INVS: variants seen among roughly 807,000 people sequenced by gnomAD.
INVS encodes inversion of embryo turning homolog.
A neutral mutation model predicts 108.8 loss-of-function variants in INVS; 86 were observed. That is an observed-to-expected ratio of 0.79 (90% CI 0.66 to 0.95). The LOEUF (loss-of-function observed/expected upper bound fraction) is 0.95. Among genes scored for constraint, INVS ranks in the 40% least tolerant of loss-of-function variants. The pLI is 0.00. For missense variants in INVS, 1,169 were observed against 1,297.4 expected (o/e 0.90, Z 1.52); for synonymous variants, 455 against 473.5 (o/e 0.96, Z 0.51).
chr9:100,129,754 A>C (rs1459421475), intron 3 of INVS: 1 of 683,202 alleles, frequency 1.5e-6, no homozygotes, highest in East Asian at 2.7e-5. Context: ...AGTGAGTACC[A>C]CATTCATCCT....
chr9:100,243,286 T>C (rs1831937868), intron 7 of INVS, among the ~76,000 whole-genome samples: 1 of 152,108 alleles, frequency 6.6e-6, no homozygotes, highest in African/African-American at 2.4e-5. Context: ...CTTACACAAG[T>C]TTCTTAATCT....
chr9:100,287,646 C>G (rs1299794462), intron 13 of INVS, among the ~76,000 whole-genome samples: 1 of 152,178 alleles, frequency 6.6e-6, no homozygotes. Context: ...CTCGCTCATG[C>G]TCTCTCCTGC....
At chr9:100,240,952 T>C (rs758337620) in intron 6 of INVS, among the ~76,000 whole-genome samples, 14 of 152,140 alleles carry the variant, frequency 9.2e-5, no homozygotes, top group Non-Finnish European at 1.3e-4. Context: ...TAGGAGTGGC[T>C]ACTTTTAAAT....
At chr9:100,124,428 T>C (rs1403673110) in intron 2 of INVS, among the ~76,000 whole-genome samples, 2 of 151,636 alleles carry the variant, frequency 1.3e-5, no homozygotes, top group Non-Finnish European at 2.9e-5. Flanking sequence ...ACTCTAAAAA[T>C]TAAAGAGGAT....
intron 3 of INVS, among the ~76,000 whole-genome samples, chr9:100,135,242 A>G (rs1828187583): frequency 6.6e-6 from 1 of 152,188 alleles, no homozygotes; most frequent in African/African-American, 2.4e-5. Context: ...CGGAACCAAG[A>G]ATGGTTCCTG....
chr9:100,253,556 C>A (rs1832313259), intron 10 of INVS, among the ~76,000 whole-genome samples: 1 of 151,946 alleles, frequency 6.6e-6, no homozygotes. Context: ...TAATGCTATC[C>A]CTCCCTGCTT....
intron 3 of INVS, among the ~76,000 whole-genome samples, chr9:100,213,721 A>G (rs1830905047): frequency 6.6e-6 from 1 of 152,162 alleles, no homozygotes; most frequent in Admixed American, 6.5e-5. Context: ...CCCAGAGAAC[A>G]TGTGGAAGTT....
chr9:100,232,289 C>T (rs1267205493), intron 5 of INVS, among the ~76,000 whole-genome samples: 1 of 151,892 alleles, frequency 6.6e-6, no homozygotes, highest in African/African-American at 2.4e-5. Flanking sequence ...ATATTTTCTC[C>T]CATTCTGTAG....
chr9:100,175,246 G>C, intron 3 of INVS: 1 of 619,056 alleles, frequency 1.6e-6, no homozygotes, highest in Non-Finnish European at 3.0e-6. Context: ...AAGACTCTTT[G>C]CCAATGTCTG....
chr9:100,188,101 T>C (rs1204780606), intron 3 of INVS, among the ~76,000 whole-genome samples: 1 of 152,216 alleles, frequency 6.6e-6, no homozygotes, highest in Non-Finnish European at 1.5e-5. Context: ...GTTTTGTAGG[T>C]GTACAATCAT....
chr9:100,271,478 CATGAGAGCAG>C (rs1832952283), intron 11 of INVS, among the ~76,000 whole-genome samples: 1 of 152,206 alleles, frequency 6.6e-6, no homozygotes, highest in Non-Finnish European at 1.5e-5. Flanking sequence ...AAGCATTTCA[CATGAGAGCAG>C]ATCTATAAGA....
intron 3 of INVS, among the ~76,000 whole-genome samples, chr9:100,191,976 G>T (rs1830236767): frequency 6.6e-6 from 1 of 152,078 alleles, no homozygotes; most frequent in South Asian, 2.1e-4. Context: ...GAGAATCTTT[G>T]TCTGATGGCT....
At chr9:100,268,384 C>T (rs1301883857) in intron 11 of INVS, among the ~76,000 whole-genome samples, 1 of 152,136 alleles carries the variant, frequency 6.6e-6, no homozygotes, top group Admixed American at 6.6e-5. Context: ...TATTAGGACT[C>T]TCTCAAGTCT....
chr9:100,127,382 T>G (rs1046468299), intron 3 of INVS, among the ~76,000 whole-genome samples: 2 of 152,168 alleles, frequency 1.3e-5, no homozygotes, highest in Non-Finnish European at 2.9e-5. Context: ...CTCAGATTTT[T>G]AAGATTAAAC....
chr9:100,142,985 G>T (rs1828481581), intron 3 of INVS, among the ~76,000 whole-genome samples: 1 of 152,154 alleles, frequency 6.6e-6, no homozygotes, highest in Non-Finnish European at 1.5e-5. Context: ...GTTTTTATGA[G>T]AATTATGCTG....
In INVS at chr9:100,285,492, T is replaced by G. The variant is rs562512601; in HGVS notation, c.2068+889T>G. Among the ~76,000 whole-genome samples, 8 of 152,300 alleles carry G rather than the reference T, an allele frequency of 5.3e-5. No homozygotes were observed. The East Asian group carries it at 1.5e-3, about 29-fold the overall frequency. On this transcript the variant is annotated intron_variant, in intron 13 of 16. Transcript: ENST00000262457. Reference sequence around the variant, plus strand: ...CCCATCCCCAAGACTACCACCAGGTTTGGTGAGGTTGGAGGATTTACTAGT... The same window carrying G: ...CCCATCCCCAAGACTACCACCAGGTGTGGTGAGGTTGGAGGATTTACTAGT...
intron 3 of INVS, among the ~76,000 whole-genome samples, chr9:100,174,670 T>G (rs1229930538): frequency 2.0e-5 from 3 of 152,156 alleles, no homozygotes; most frequent in African/African-American, 7.2e-5. Flanking sequence ...TCCTGCACTT[T>G]GGGAGGCTGA....
chr9:100,251,256 A>C (rs571863997), intron 8 of INVS, among the ~76,000 whole-genome samples: 1 of 152,296 alleles, frequency 6.6e-6, no homozygotes, highest in Non-Finnish European at 1.5e-5. Flanking sequence ...CAGCATTATA[A>C]TACTACCCAG....
intron 3 of INVS, among the ~76,000 whole-genome samples, chr9:100,183,794 GA>G (rs67231511): frequency 0.25 from 17,315 of 68,786 alleles, 1,186 homozygotes; most frequent in African/African-American, 0.42. Context: ...CTGTTTCAGG[GA>G]AAAAAAAAAA....
Sources: allele counts gnomAD v4.1 joint callset (sites outside exome capture counted in the v4.1 genomes callset), GRCh38; gene constraint gnomAD v4.1.1; transcripts MANE v1.5; gene names NCBI Gene and HGNC (gene_info 2026-07-23, HGNC 2026-07-21).